Variants in CSMD3 observed in about 807,000 individuals in gnomAD.
CSMD3 encodes CUB and sushi domain-containing protein 3.
In CSMD3, 177 loss-of-function variants were observed where a neutral mutation model predicts 435.2. That is an observed-to-expected ratio of 0.41 (90% CI 0.36 to 0.46). The LOEUF (loss-of-function observed/expected upper bound fraction) is 0.46. CSMD3 is among the 20% of genes least tolerant of loss of function. The probability of loss-of-function intolerance (pLI) is 0.34; values close to 1 mark genes in which losing one functional copy is unlikely to be tolerated. For missense variants in CSMD3, 4,265 were observed against 4,504.6 expected (o/e 0.95, Z 1.52); for synonymous variants, 1,656 against 1,520.5 (o/e 1.09, Z -2.07).
At position 112,839,720 on chromosome 8, in the gene CSMD3, C is replaced by G. The variant is rs148010278; in HGVS notation, c.1756-9931G>C. The stretch of plus-strand genomic sequence containing the variant: ...GGTCATCATGGTCTAGGATACCTCT[C>G]TTTTCATTTATTTATCTATATCTAT... On this transcript the variant is annotated intron_variant, in intron 11 of 70. Transcript: ENST00000297405. Among the ~76,000 whole-genome samples, 378 of 151,532 alleles carry G rather than the reference C, an allele frequency of 2.5e-3. 2 individuals are homozygous for G. The highest frequency in any genetic ancestry group is 8.1e-3 in the African/African-American group (334 of 41,414).
At chr8:113,401,283 G>A (rs2094508926) in intron 1 of CSMD3, among the ~76,000 whole-genome samples, 1 of 151,726 alleles carries the variant, frequency 6.6e-6, no homozygotes, top group Middle Eastern at 3.4e-3. Context: ...TTTGGGTTGA[G>A]CAGATTCCAA....
At chr8:112,470,388 GACTT>G (rs1224231845) in intron 32 of CSMD3, among the ~76,000 whole-genome samples, 1 of 151,942 alleles carries the variant, frequency 6.6e-6, no homozygotes, top group Non-Finnish European at 1.5e-5. Flanking sequence ...GTATGCATGT[GACTT>G]ACTATGTTAT....
intron 6 of CSMD3, among the ~76,000 whole-genome samples, chr8:112,977,029 GAAGT>G (rs1316692979): frequency 6.6e-6 from 1 of 151,872 alleles, no homozygotes; most frequent in Non-Finnish European, 1.5e-5. Context: ...TAATAATTTA[GAAGT>G]ATGTATTCAA....
intron 6 of CSMD3, among the ~76,000 whole-genome samples, chr8:112,977,572 C>T (rs1413536407): frequency 6.6e-6 from 1 of 152,038 alleles, no homozygotes; most frequent in Non-Finnish European, 1.5e-5. Context: ...CCTGGAGCCC[C>T]TCACTCACAG....
chr8:113,065,395 G>T lies in CSMD3; in HGVS notation c.917+33361C>A, dbSNP rs548278277. Among the ~76,000 whole-genome samples, 842 of 151,940 alleles carry T rather than the reference G, an allele frequency of 5.5e-3. 18 individuals carry two copies. Among genetic ancestry groups the T allele is most frequent in the Non-Finnish European group, 5.0e-3 (343 of 67,926 alleles). ...AACAGCCTCATGTTTTTGTTTGTTT[G>T]TTTGTTTTTCAGACGGAGTCTCGCT... On this transcript the variant is annotated intron_variant, in intron 5 of 70. Coordinates refer to ENST00000297405, the MANE Select transcript of CSMD3 (RefSeq NM_198123.2).
chr8:112,785,977 C>A (rs1297314358), intron 13 of CSMD3, among the ~76,000 whole-genome samples: 1 of 151,960 alleles, frequency 6.6e-6, no homozygotes, highest in East Asian at 1.9e-4. Flanking sequence ...CAAAGCCATC[C>A]TGAGCAAAAA....
intron 13 of CSMD3, among the ~76,000 whole-genome samples, chr8:112,726,929 T>C (rs2076978343): frequency 6.6e-6 from 1 of 151,702 alleles, no homozygotes; most frequent in South Asian, 2.1e-4. Flanking sequence ...CAAGAGAAAA[T>C]GACTGATTAA....
intron 45 of CSMD3, among the ~76,000 whole-genome samples, chr8:112,331,296 C>T (rs527489923): frequency 7.2e-4 from 109 of 151,896 alleles, no homozygotes; most frequent in African/African-American, 2.2e-3. Flanking sequence ...GAAGAAAATG[C>T]GGTTCTTATT....
intron 51 of CSMD3, 104 bp from the exon 52 acceptor site, chr8:112,305,019 T>C (rs977892366): frequency 1.2e-4 from 100 of 813,956 alleles, no homozygotes; most frequent in Non-Finnish European, 1.6e-4. Context: ...TCTTGCACTA[T>C]ACAAGGTCCT....
chr8:112,945,898 T>C (rs914792720), intron 9 of CSMD3, among the ~76,000 whole-genome samples: 1 of 151,658 alleles, frequency 6.6e-6, no homozygotes, highest in Non-Finnish European at 1.5e-5. Context: ...CATATACTTC[T>C]TCCAATATCC....
At chr8:112,936,527 T>C (rs968255477) in intron 9 of CSMD3, among the ~76,000 whole-genome samples, 2 of 152,132 alleles carry the variant, frequency 1.3e-5, no homozygotes, top group Admixed American at 6.5e-5. Flanking sequence ...TTTTTGAATT[T>C]GCATATAGGT....
chr8:112,813,957 G>A (rs535409463), intron 12 of CSMD3, among the ~76,000 whole-genome samples: 189 of 152,276 alleles, frequency 1.2e-3, no homozygotes, highest in African/African-American at 4.3e-3. Flanking sequence ...GCTTCGCCCC[G>A]TCCTCCCAGT....
intron 4 of CSMD3, among the ~76,000 whole-genome samples, chr8:113,161,255 T>C (rs982196948): frequency 5.9e-5 from 9 of 152,084 alleles, no homozygotes; most frequent in African/African-American, 2.2e-4. Context: ...AGAATTACCA[T>C]CATTGGAAAG....
chr8:113,028,652 T>C (rs1389698972), intron 5 of CSMD3, among the ~76,000 whole-genome samples: 1 of 151,528 alleles, frequency 6.6e-6, no homozygotes, highest in East Asian at 1.9e-4. Flanking sequence ...GTGGTTTGGA[T>C]ATAAGATCAA....
chr8:112,820,502 T>G (rs2079498646), intron 12 of CSMD3, among the ~76,000 whole-genome samples: 3 of 152,082 alleles, frequency 2.0e-5, no homozygotes, highest in Admixed American at 2.0e-4. Flanking sequence ...GTGTGCCTGA[T>G]AGTCTCATAG....
chr8:112,616,306 C>G (rs1833656987), intron 22 of CSMD3, among the ~76,000 whole-genome samples: 2 of 151,988 alleles, frequency 1.3e-5, no homozygotes, highest in South Asian at 4.1e-4. Context: ...TCATGTATGA[C>G]ATAAGCATTT....
At chr8:113,147,229 T>C (rs1367364711) in intron 4 of CSMD3, among the ~76,000 whole-genome samples, 1 of 151,704 alleles carries the variant, frequency 6.6e-6, no homozygotes, top group East Asian at 1.9e-4. Flanking sequence ...TATTTTTTTA[T>C]TTTAGTTTAT....
chr8:113,316,386 T>A (rs1209179569), intron 1 of CSMD3, among the ~76,000 whole-genome samples: 2 of 152,176 alleles, frequency 1.3e-5, no homozygotes, highest in Non-Finnish European at 2.9e-5. Context: ...GTATGGATAC[T>A]TTTTAAAAGT....
intron 32 of CSMD3, among the ~76,000 whole-genome samples, chr8:112,426,814 T>G (rs1197140223): frequency 6.6e-6 from 1 of 152,202 alleles, no homozygotes; most frequent in Non-Finnish European, 1.5e-5. Context: ...TAACAACACC[T>G]TTGTGCAATG....
Sources: allele counts gnomAD v4.1 joint callset (sites outside exome capture counted in the v4.1 genomes callset), GRCh38; gene constraint gnomAD v4.1.1; transcripts MANE v1.5; gene names NCBI Gene and HGNC (gene_info 2026-07-23, HGNC 2026-07-21).